Variants in PCDHA11 observed in about 807,000 individuals in gnomAD.
PCDHA11 encodes protocadherin alpha-11.
A neutral mutation model predicts 70.3 loss-of-function variants in PCDHA11; 61 were observed. The ratio of observed to expected loss-of-function variants is 0.87; its 90% CI spans 0.71 to 1.07. PCDHA11 has a LOEUF of 1.07. Among genes scored for constraint, PCDHA11 ranks in the 50% least tolerant of loss-of-function variants. PCDHA11 has a pLI of 0.00. For missense variants in PCDHA11, 1,324 were observed against 1,237.5 expected, an observed-to-expected ratio of 1.07 and a Z score of -1.05; for synonymous variants, 633 against 555.1, an observed-to-expected ratio of 1.14 and a Z score of -1.97.
intron 3 of PCDHA11, among the ~76,000 whole-genome samples, chr5:140,983,853 A>T (rs1447321377): frequency 6.6e-6 from 1 of 152,230 alleles, no homozygotes; most frequent in African/African-American, 2.4e-5. Context: ...ATTAAGTAAC[A>T]TGCAGCTAAG....
intron 1 of PCDHA11, chr5:140,884,253 C>T (rs1356283866): frequency 6.2e-7 from 1 of 1,613,418 alleles, no homozygotes; most frequent in East Asian, 2.2e-5. Context: ...CTGACGGCCA[C>T]GGCAACGGTG....
At chr5:140,987,235 TAAAG>T (rs1182642222) in intron 3 of PCDHA11, among the ~76,000 whole-genome samples, 2 of 151,266 alleles carry the variant, frequency 1.3e-5, no homozygotes, top group African/African-American at 2.4e-5. Flanking sequence ...AAATAATAAA[TAAAG>T]AAAGAAAGAC....
chr5:140,949,521 T>C (rs2094388357), intron 1 of PCDHA11, among the ~76,000 whole-genome samples: 1 of 151,932 alleles, frequency 6.6e-6, no homozygotes, highest in East Asian at 1.9e-4. Flanking sequence ...TTGATCCTTT[T>C]ATCTTCATAA....
intron 1 of PCDHA11, chr5:140,969,111 G>A (rs1554231464): frequency 4.3e-6 from 7 of 1,614,116 alleles, no homozygotes; most frequent in Non-Finnish European, 5.9e-6. Flanking sequence ...ATTGAAGTTC[G>A]AGGGAATGGC....
intron 1 of PCDHA11, among the ~76,000 whole-genome samples, chr5:140,931,986 C>G (rs562622204): frequency 2.0e-4 from 30 of 151,912 alleles, no homozygotes; most frequent in African/African-American, 7.0e-4. Flanking sequence ...ATATTTTGCT[C>G]AAATTCTAAG....
At chr5:140,962,270 A>T (rs2095668540) in intron 1 of PCDHA11, among the ~76,000 whole-genome samples, 1 of 152,210 alleles carries the variant, frequency 6.6e-6, no homozygotes, top group African/African-American at 2.4e-5. Context: ...TTTATAATTT[A>T]AAAAACCTCA....
chr5:140,943,257 C>CA (rs1238620023), intron 1 of PCDHA11, among the ~76,000 whole-genome samples: 3,333 of 76,804 alleles, frequency 0.043, 169 homozygotes, highest in Admixed American at 0.1. Context: ...GACTCTGTCT[C>CA]AAAAAAAAAA....
At chr5:140,967,560 A>C (rs2096156699) in intron 1 of PCDHA11, 2 of 1,613,966 alleles carry the variant, frequency 1.2e-6, no homozygotes, top group Non-Finnish European at 1.7e-6. Context: ...TATCGCGTCC[A>C]GCTACGGGAG....
At chr5:140,943,608 T>C (rs1585137347) in intron 1 of PCDHA11, among the ~76,000 whole-genome samples, 1 of 152,184 alleles carries the variant, frequency 6.6e-6, no homozygotes, top group Non-Finnish European at 1.5e-5. Flanking sequence ...ATATAGACTT[T>C]GATTCATCTG....
At chr5:140,895,647 C>A (rs954657912) in intron 1 of PCDHA11, among the ~76,000 whole-genome samples, 2 of 151,996 alleles carry the variant, frequency 1.3e-5, no homozygotes, top group African/African-American at 4.8e-5. Flanking sequence ...TTTTTAGCTC[C>A]CACTTATAAG....
chr5:140,967,026 C>G, intron 1 of PCDHA11: 2 of 1,608,434 alleles, frequency 1.2e-6, no homozygotes, highest in East Asian at 4.5e-5. Flanking sequence ...GCGCCCAGTC[C>G]GCGCTACCTG....
chr5:140,902,142 A>T (rs2069127125), intron 1 of PCDHA11, among the ~76,000 whole-genome samples: 1 of 151,120 alleles, frequency 6.6e-6, no homozygotes, highest in African/African-American at 2.4e-5. Flanking sequence ...GCAAACAAGG[A>T]TAATTTGATT....
In PCDHA11 at chr5:140,871,206, C is replaced by T. The variant is rs781837610; in HGVS notation, c.2103C>T (p.Ile701=). 2.5e-6 allele frequency: 4 copies of T among 1,613,668 alleles called. No individual in the cohort carries two copies. Among genetic ancestry groups the T allele is most frequent in the African/African-American group, 1.3e-5 (1 of 74,950 alleles). The change falls in exon 1 of 4, where the codon ATC becomes ATT. Residue 701 remains isoleucine (I), a synonymous_variant. Transcript: ENST00000398640. ...TGGATGTCAACGTGTACCTGATCATCGCCATCTGCGTGGTGTCCAGCCTCC... is the reference window on the plus strand; with the variant it reads ...TGGATGTCAACGTGTACCTGATCATTGCCATCTGCGTGGTGTCCAGCCTCC... ...ALVDVNVYLI[I]AICVVSSLLV...
intron 1 of PCDHA11, chr5:140,884,142 G>A (rs782033390): frequency 5.6e-6 from 9 of 1,613,298 alleles, no homozygotes; most frequent in African/African-American, 1.3e-5. Flanking sequence ...TTCCGCGTGG[G>A]GCTGTACACT....
At chr5:140,919,716 A>G (rs1166757941) in intron 1 of PCDHA11, among the ~76,000 whole-genome samples, 1 of 152,214 alleles carries the variant, frequency 6.6e-6, no homozygotes, top group East Asian at 1.9e-4. Flanking sequence ...CTAGTGAGAT[A>G]TAAATATGTT....
rs1254609310 is a variant in PCDHA11 at position 140,871,288 on chromosome 5, G to A, written c.2185G>A (p.Gly729Ser). The change falls in exon 1 of 4, where the codon GGC (glycine) becomes AGC (serine). Residue 729 changes from glycine (G) to serine (S), a missense_variant. Transcript: ENST00000398640. ...GTGGTGGTCGGCAACGCCCACTGAG[G>A]GCGCGTGCGCGCCGGGGAAGCCCAC... ...ALWWSATPTE[G>S]ACAPGKPTLV... 1.2e-6 allele frequency: 2 copies of A among 1,613,786 alleles called. No homozygotes were observed. Among genetic ancestry groups the A allele is most frequent in the Non-Finnish European group, 1.7e-6 (2 of 1,179,940 alleles).
chr5:140,877,776 C>A (rs2057336039), intron 1 of PCDHA11: 3 of 1,614,032 alleles, frequency 1.9e-6, no homozygotes, highest in South Asian at 1.1e-5. Context: ...CCAAGACGGA[C>A]CTCATGGCCT....
intron 1 of PCDHA11, among the ~76,000 whole-genome samples, chr5:140,894,474 T>C (rs1333675195): frequency 6.6e-6 from 1 of 152,022 alleles, no homozygotes; most frequent in Non-Finnish European, 1.5e-5. Flanking sequence ...TTATTCTTGT[T>C]TTCATCTTAT....
At position 140,871,265 on chromosome 5, in the gene PCDHA11, G is replaced by C; in HGVS notation, c.2162G>C (p.Trp721Ser). The change falls in exon 1 of 4, where the codon TGG becomes TCG. Residue 721 changes from tryptophan to serine, a missense_variant. Coordinates refer to ENST00000398640, the MANE Select transcript of PCDHA11 (RefSeq NM_018902.5). ...ACGCTGCTGCTGTATACGGCGCTGT[G>C]GTGGTCGGCAACGCCCACTGAGGGC... The part of the protein sequence containing the change: ...VLTLLLYTAL[W>S]WSATPTEGAC... The C allele has an allele frequency of 6.2e-7, 1 of 1,613,978 alleles. No homozygotes were observed. The highest frequency in any genetic ancestry group is 1.1e-5 in the South Asian group (1 of 91,090).
Sources: gnomAD v4.1 joint callset for allele counts (sites outside exome capture counted in the v4.1 genomes callset) on GRCh38, gnomAD v4.1.1 for gene constraint, MANE v1.5 for transcripts, NCBI Gene and HGNC (gene_info 2026-07-23, HGNC 2026-07-21) for gene names.